DAB1: variants seen among roughly 807,000 people sequenced by gnomAD.
The protein encoded by DAB1 is disabled homolog 1.
A neutral mutation model predicts 64.6 loss-of-function variants in DAB1; 15 were observed. That is an observed-to-expected ratio of 0.23 (90% CI 0.16 to 0.36). The LOEUF is 0.36. DAB1 is among the 10% of genes least tolerant of loss of function. DAB1 has a pLI of 1.00. For missense variants in DAB1, 596 were observed against 706.7 expected (o/e 0.84, Z 1.78); for synonymous variants, 235 against 251.9 (o/e 0.93, Z 0.64).
At chr1:58,193,729 G>A (rs1169126525) in intron 4 of DAB1, among the ~76,000 whole-genome samples, 6 of 152,026 alleles carry the variant, frequency 3.9e-5, no homozygotes, top group Admixed American at 2.0e-4. Flanking sequence ...GGTGGCGCAC[G>A]CCTGTAATGC....
At chr1:57,050,166 T>C (rs1332292145) in intron 9 of DAB1, among the ~76,000 whole-genome samples, 1 of 152,206 alleles carries the variant, frequency 6.6e-6, no homozygotes, top group African/African-American at 2.4e-5. Context: ...TAGTTCCTCA[T>C]ATTAGATCCC....
chr1:57,134,678 A>G (rs1413296069), intron 4 of DAB1, among the ~76,000 whole-genome samples: 1 of 152,150 alleles, frequency 6.6e-6, no homozygotes, highest in African/African-American at 2.4e-5. Flanking sequence ...GTTTAAAAAG[A>G]AAAAGAATAC....
chr1:57,687,164 G>T (rs567541447), intron 6 of DAB1, among the ~76,000 whole-genome samples: 5 of 152,160 alleles, frequency 3.3e-5, no homozygotes, highest in Admixed American at 3.3e-4. Context: ...TCATCAAAAG[G>T]CTACTAGAAC....
chr1:57,227,466 A>C (rs998931130), intron 2 of DAB1, among the ~76,000 whole-genome samples: 1 of 151,598 alleles, frequency 6.6e-6, no homozygotes, highest in African/African-American at 2.4e-5. Flanking sequence ...TAAATAGATA[A>C]GGAGCAACAG....
At chr1:58,199,175 G>T (rs1657862707) in intron 4 of DAB1, among the ~76,000 whole-genome samples, 1 of 152,106 alleles carries the variant, frequency 6.6e-6, no homozygotes, top group Non-Finnish European at 1.5e-5. Flanking sequence ...AAGAAGCTAT[G>T]GAAAGAGGCA....
At chr1:58,478,900 A>T (rs1645445652) in intron 3 of DAB1, among the ~76,000 whole-genome samples, 1 of 152,202 alleles carries the variant, frequency 6.6e-6, no homozygotes, top group African/African-American at 2.4e-5. Flanking sequence ...TAAGTGTAGA[A>T]CATACAGCTT....
intron 7 of DAB1, among the ~76,000 whole-genome samples, chr1:57,600,838 T>C (rs1370039270): frequency 6.6e-6 from 1 of 152,160 alleles, no homozygotes; most frequent in Non-Finnish European, 1.5e-5. Flanking sequence ...TCATTCCTCC[T>C]GCACTCTTGG....
At chr1:56,999,505 G>A (rs762540188) in intron 14 of DAB1, among the ~76,000 whole-genome samples, 10 of 152,176 alleles carry the variant, frequency 6.6e-5, no homozygotes, top group Admixed American at 2.6e-4. Context: ...AGTCCTGAGG[G>A]TGGCTTTTAT....
At chr1:58,179,346 TC>T (rs1656656762) in intron 4 of DAB1, among the ~76,000 whole-genome samples, 1 of 152,126 alleles carries the variant, frequency 6.6e-6, no homozygotes, top group South Asian at 2.1e-4. Context: ...AACACTGGCC[TC>T]ATAAAAAGAG....
intron 2 of DAB1, among the ~76,000 whole-genome samples, chr1:57,273,553 G>GCCTTCCTT (rs1191588175): frequency 8.1e-4 from 50 of 62,052 alleles, no homozygotes; most frequent in East Asian, 3.1e-3. Flanking sequence ...CTGCCTGCCT[G>GCCTTCCTT]CCTTCCTTCC....
At chr1:57,171,925 G>A (rs1037583631) in intron 2 of DAB1, among the ~76,000 whole-genome samples, 10 of 152,184 alleles carry the variant, frequency 6.6e-5, no homozygotes, top group African/African-American at 1.9e-4. Context: ...CATCAGAAAT[G>A]TATTGTCTCA....
intron 6 of DAB1, among the ~76,000 whole-genome samples, chr1:57,709,788 G>T (rs949723493): frequency 6.6e-6 from 1 of 152,120 alleles, no homozygotes; most frequent in African/African-American, 2.4e-5. Flanking sequence ...TTATTATGCA[G>T]ATGGGTTCTC....
intron 7 of DAB1, among the ~76,000 whole-genome samples, chr1:57,483,486 T>C (rs185989309): frequency 3.3e-5 from 5 of 152,368 alleles, no homozygotes; most frequent in African/African-American, 1.2e-4. Context: ...TCCCCAGCTA[T>C]GTGCAACTGT....
intron 5 of DAB1, among the ~76,000 whole-genome samples, chr1:58,122,912 G>A (rs1159644110): frequency 1.3e-5 from 2 of 152,146 alleles, no homozygotes; most frequent in Non-Finnish European, 2.9e-5. Flanking sequence ...TAGAGAATGA[G>A]TACGAGCTTC....
At chr1:58,471,331 A>T (rs1645355633) in intron 3 of DAB1, among the ~76,000 whole-genome samples, 1 of 152,160 alleles carries the variant, frequency 6.6e-6, no homozygotes, top group South Asian at 2.1e-4. Flanking sequence ...CAGGGAGGAA[A>T]ATATTCACTA....
intron 1 of DAB1, among the ~76,000 whole-genome samples, chr1:57,342,990 G>C (rs1025838306): frequency 1.3e-5 from 2 of 150,370 alleles, no homozygotes; most frequent in Non-Finnish European, 3.0e-5. Context: ...AAGGGGACCC[G>C]AGCGGGTTGC....
chr1:57,116,461 CAAAAAAA>C (rs61590002), intron 4 of DAB1, among the ~76,000 whole-genome samples: 1 of 71,972 alleles, frequency 1.4e-5, no homozygotes, highest in Non-Finnish European at 2.6e-5. Context: ...GACTCTGTCT[CAAAAAAA>C]AAAAAAAAAA....
At chr1:57,239,553 T>C (rs1199174500) in intron 2 of DAB1, among the ~76,000 whole-genome samples, 1 of 152,192 alleles carries the variant, frequency 6.6e-6, no homozygotes, top group Non-Finnish European at 1.5e-5. Flanking sequence ...TCCAGACCTA[T>C]AGCCGGCCTT....
rs142705778 is a variant in DAB1, at chr1:58,295,313, G to A, written n.309+48039C>T. 2.6e-4 allele frequency among the ~76,000 whole-genome samples: 39 copies of A among 152,292 alleles called. No homozygotes were observed. The Middle Eastern group carries it at 0.01, about 40-fold the overall frequency. On this transcript the variant is annotated intron_variant and non_coding_transcript_variant, in intron 4 of 20. Transcript: ENST00000485760. ...GCCTTTGTCATAATTTCTCACACAAGTGAGAATTCTGAAGCCTGAGAGAGA... is the reference window on the plus strand; with the variant it reads ...GCCTTTGTCATAATTTCTCACACAAATGAGAATTCTGAAGCCTGAGAGAGA...
Sources: gnomAD v4.1 joint callset for allele counts (sites outside exome capture counted in the v4.1 genomes callset) on GRCh38, gnomAD v4.1.1 for gene constraint, MANE v1.5 for transcripts, NCBI Gene and HGNC (gene_info 2026-07-23, HGNC 2026-07-21) for gene names.